MNAT1: variants seen among roughly 807,000 people sequenced by gnomAD.
MNAT1 encodes CDK-activating kinase assembly factor MAT1.
A neutral mutation model predicts 42.0 loss-of-function variants in MNAT1; 43 were observed. The observed-to-expected ratio is 1.02, with a 90% CI of 0.80 to 1.32. MNAT1 has a LOEUF of 1.32. MNAT1 is among the 40% of genes most tolerant of loss of function. The probability of loss-of-function intolerance (pLI) is 0.00; values close to 1 mark genes in which losing one functional copy is unlikely to be tolerated. For synonymous variants in MNAT1, 118 were observed against 120.0 expected (o/e 0.98, Z 0.11); for missense variants, 306 against 350.4 (o/e 0.87, Z 1.01).
rs781579357 is a variant in MNAT1, at chr14:60,894,277, G to GT, written c.809+14454dup. Among the ~76,000 whole-genome samples the GT allele has an allele frequency of 7.6e-3, 1,089 of 144,188 alleles. 5 individuals carry two copies. Among genetic ancestry groups the GT allele is most frequent in the African/African-American group, 0.013 (514 of 39,572 alleles). 94.6% of individuals were successfully genotyped at this position (144,188 alleles called of 152,430 possible). ...CCTCCGTAGCAGTGGAGGCTTGGAT[G>GT]TTTTTTTTTTTTAAAATAATTTATT... On this transcript the variant is annotated intron_variant, in intron 7 of 7. Coordinates refer to ENST00000261245, the MANE Select transcript of MNAT1 (RefSeq NM_002431.4).
At chr14:60,877,346 G>T (rs1033571762) in intron 6 of MNAT1, among the ~76,000 whole-genome samples, 2 of 152,038 alleles carry the variant, frequency 1.3e-5, no homozygotes, top group African/African-American at 4.8e-5. Context: ...AAACTAGCTA[G>T]GATGATGCTA....
chr14:60,935,998 G>C (rs1206148119), intron 7 of MNAT1, among the ~76,000 whole-genome samples: 1 of 152,164 alleles, frequency 6.6e-6, no homozygotes, highest in African/African-American at 2.4e-5. Context: ...CAGTGAGATG[G>C]ACTCCTGCTA....
intron 6 of MNAT1, among the ~76,000 whole-genome samples, chr14:60,864,976 A>G (rs755115817): frequency 1.3e-5 from 2 of 152,052 alleles, no homozygotes; most frequent in Non-Finnish European, 2.9e-5. Context: ...ATGACCTCAA[A>G]TAGAACGAGG....
intron 7 of MNAT1, among the ~76,000 whole-genome samples, chr14:60,962,763 TCCA>T (rs1405494476): frequency 1.3e-5 from 2 of 152,214 alleles, no homozygotes; most frequent in African/African-American, 2.4e-5. Flanking sequence ...TCTTTTAATT[TCCA>T]AATATGAGTT....
At chr14:60,770,189 G>A (rs1319628542) in intron 1 of MNAT1, among the ~76,000 whole-genome samples, 1 of 152,010 alleles carries the variant, frequency 6.6e-6, no homozygotes, top group African/African-American at 2.4e-5. Context: ...TGTAGTATTT[G>A]TCTTTTTGTG....
At chr14:60,916,076 T>C (rs1388167706) in intron 7 of MNAT1, among the ~76,000 whole-genome samples, 1 of 152,196 alleles carries the variant, frequency 6.6e-6, no homozygotes, top group Admixed American at 6.5e-5. Flanking sequence ...TAGGAAGGCT[T>C]AGTTGTTGCC....
chr14:60,873,503 C>T (rs1030401879), intron 6 of MNAT1, among the ~76,000 whole-genome samples: 4 of 152,090 alleles, frequency 2.6e-5, no homozygotes, highest in African/African-American at 9.7e-5. Context: ...AGATCTTGCT[C>T]TGACACTCAT....
chr14:60,875,996 C>T (rs184444927), intron 6 of MNAT1, among the ~76,000 whole-genome samples: 119 of 152,072 alleles, frequency 7.8e-4, no homozygotes, highest in Middle Eastern at 3.4e-3. Flanking sequence ...CCTCACTTAC[C>T]CTCCTCTCTT....
chr14:60,779,580 G>A (rs1052733462), intron 1 of MNAT1, among the ~76,000 whole-genome samples: 4 of 152,200 alleles, frequency 2.6e-5, no homozygotes, highest in African/African-American at 9.6e-5. Context: ...GAGGTCAGGA[G>A]ATCAAGACCA....
intron 6 of MNAT1, among the ~76,000 whole-genome samples, chr14:60,857,290 C>G (rs2033985178): frequency 6.6e-6 from 1 of 152,126 alleles, no homozygotes; most frequent in East Asian, 1.9e-4. Context: ...ATTCCAACCC[C>G]CATGGAAGGA....
chr14:60,779,654 T>G (rs570651304), intron 1 of MNAT1, among the ~76,000 whole-genome samples: 3 of 151,984 alleles, frequency 2.0e-5, no homozygotes, highest in African/African-American at 7.2e-5. Context: ...GGTGTGGTGG[T>G]GCACGCCTGT....
chr14:60,794,527 G>A (rs369221034), intron 1 of MNAT1, among the ~76,000 whole-genome samples: 2 of 150,092 alleles, frequency 1.3e-5, no homozygotes, highest in African/African-American at 2.4e-5. Flanking sequence ...TTAGCAGAGC[G>A]TGACAGTGTG....
chr14:60,757,718 C>T (rs1016790675), intron 1 of MNAT1, among the ~76,000 whole-genome samples: 2 of 152,120 alleles, frequency 1.3e-5, no homozygotes, highest in Non-Finnish European at 2.9e-5. Flanking sequence ...CCTTTCTGTC[C>T]TTAACTAGAA....
intron 1 of MNAT1, among the ~76,000 whole-genome samples, chr14:60,774,687 G>A (rs762284059): frequency 6.6e-6 from 1 of 152,132 alleles, no homozygotes; most frequent in Non-Finnish European, 1.5e-5. Context: ...AAAAGCAGAT[G>A]TATTTTAGAT....
At chr14:60,745,023 A>G (rs1289417825) in intron 1 of MNAT1, among the ~76,000 whole-genome samples, 1 of 152,152 alleles carries the variant, frequency 6.6e-6, no homozygotes, top group Non-Finnish European at 1.5e-5. Flanking sequence ...GGGGAATCCT[A>G]CATGTCTTCT....
At chr14:60,739,380 A>G (rs910052846) in intron 1 of MNAT1, among the ~76,000 whole-genome samples, 2 of 151,892 alleles carry the variant, frequency 1.3e-5, no homozygotes, top group East Asian at 3.9e-4. Context: ...GCAGGATTTT[A>G]TTAACTTATT....
At chr14:60,780,142 A>G in intron 1 of MNAT1, 1 of 1,510,904 alleles carries the variant, frequency 6.6e-7, no homozygotes, top group Non-Finnish European at 9.2e-7. Flanking sequence ...CCTTGCTTGT[A>G]ACTACTGATC....
intron 6 of MNAT1, among the ~76,000 whole-genome samples, chr14:60,836,168 G>A (rs8019883): frequency 0.94 from 142,715 of 152,158 alleles, 67,310 homozygotes; most frequent in Non-Finnish European, 0.99. Context: ...GCTTCCTTGC[G>A]TTGGGTTATA....
intron 7 of MNAT1, among the ~76,000 whole-genome samples, chr14:60,885,295 C>G (rs901967421): frequency 6.6e-6 from 1 of 151,862 alleles, no homozygotes; most frequent in Non-Finnish European, 1.5e-5. Context: ...ATCTCTCTCT[C>G]TGTCTCCTAT....
Sources: allele counts gnomAD v4.1 joint callset (sites outside exome capture counted in the v4.1 genomes callset), GRCh38; gene constraint gnomAD v4.1.1; transcripts MANE v1.5; gene names NCBI Gene and HGNC (gene_info 2026-07-23, HGNC 2026-07-21).